The following IGSF21 variants were observed in gnomAD, a reference collection of about 807,000 sequenced individuals.
IGSF21 encodes immunoglobin superfamily member 21, also known as immunoglobulin superfamily member 21.
In IGSF21, 28 loss-of-function variants were observed where a neutral mutation model predicts 46.8. The ratio of observed to expected loss-of-function variants is 0.60; its 90% CI spans 0.44 to 0.82. The LOEUF (loss-of-function observed/expected upper bound fraction) is 0.82, where lower values mean the gene tolerates loss of function less well. Ranked by LOEUF, IGSF21 falls within the 40% of genes least tolerant of loss-of-function variation. The pLI, the probability that IGSF21 is intolerant of heterozygous loss-of-function variation, is 0.00. For synonymous variants in IGSF21, 284 were observed against 273.6 expected, an observed-to-expected ratio of 1.04 and a Z score of -0.38; for missense variants, 624 against 665.5, an observed-to-expected ratio of 0.94 and a Z score of 0.69.
chr1:18,357,179 G>T (rs2086028026), intron 4 of IGSF21, among the ~76,000 whole-genome samples: 1 of 148,452 alleles, frequency 6.7e-6, no homozygotes, highest in Non-Finnish European at 1.5e-5. Context: ...GATGGGGGAA[G>T]AGATGGAGAT....
intron 1 of IGSF21, among the ~76,000 whole-genome samples, chr1:18,167,990 G>A (rs2086696370): frequency 6.6e-6 from 1 of 152,082 alleles, no homozygotes; most frequent in Admixed American, 6.5e-5. Flanking sequence ...AGGAACACCT[G>A]CTCTCCTTTT....
At chr1:18,217,609 G>C (rs933016537) in intron 1 of IGSF21, among the ~76,000 whole-genome samples, 3 of 152,170 alleles carry the variant, frequency 2.0e-5, no homozygotes, top group African/African-American at 7.2e-5. Flanking sequence ...TGGATGCATT[G>C]TGTCCTGTGA....
At chr1:18,324,215 G>A (rs558668322) in intron 3 of IGSF21, among the ~76,000 whole-genome samples, 399 of 152,322 alleles carry the variant, frequency 2.6e-3, no homozygotes, top group African/African-American at 7.6e-3. Context: ...TGATTCGGCC[G>A]TGTCTTTTCC....
At chr1:18,252,068 T>TTTTTATG (rs2084848004) in intron 2 of IGSF21, among the ~76,000 whole-genome samples, 1 of 134,678 alleles carries the variant, frequency 7.4e-6, no homozygotes, top group Middle Eastern at 4.4e-3. Context: ...TTTTTTTTTT[T>TTTTTATG]GAGATGGAGT....
At chr1:18,122,107 A>G (rs1335700318) in intron 1 of IGSF21, among the ~76,000 whole-genome samples, 3 of 152,084 alleles carry the variant, frequency 2.0e-5, no homozygotes, top group African/African-American at 7.2e-5. Context: ...GAGATTGCCA[A>G]AGAAACCTCA....
rs1028037631 is a variant in IGSF21 at position 18,337,223 on chromosome 1, T to C, written c.424+2213T>C. ...AGTGATCTCGTGGGACTCACTCAGGTTGCACAACTGGCCTGATGGTCTCTG... is the reference window on the plus strand; with the variant it reads ...AGTGATCTCGTGGGACTCACTCAGGCTGCACAACTGGCCTGATGGTCTCTG... On this transcript the variant is annotated intron_variant, in intron 4 of 9. Transcript: ENST00000251296. This position sits in a 1 kb window ranked among gnomAD's most constrained non-coding sequence, Gnocchi z 5.7. Among the ~76,000 whole-genome samples, 1 of 152,100 alleles carries C rather than the reference T, an allele frequency of 6.6e-6. No individual in the cohort carries two copies. The highest frequency in any genetic ancestry group is 1.5e-5 in the Non-Finnish European group (1 of 68,010).
chr1:18,283,432 G>A (rs1300694144), intron 2 of IGSF21, among the ~76,000 whole-genome samples: 3 of 152,158 alleles, frequency 2.0e-5, no homozygotes, highest in Non-Finnish European at 2.9e-5. Context: ...GACAGAGCCT[G>A]CCCTACCCTC....
chr1:18,231,450 C>A (rs1569584193), intron 2 of IGSF21, among the ~76,000 whole-genome samples: 3 of 152,222 alleles, frequency 2.0e-5, no homozygotes, highest in East Asian at 1.9e-4. Context: ...GGACACTTTA[C>A]CCCCATGGTC....
chr1:18,227,435 A>C (rs1444140945), intron 1 of IGSF21, among the ~76,000 whole-genome samples: 9 of 152,034 alleles, frequency 5.9e-5, no homozygotes, highest in Non-Finnish European at 2.9e-5. Context: ...GGAAATGCCA[A>C]GTAAATACAT....
chr1:18,357,237 T>G (rs1569868071), intron 4 of IGSF21, among the ~76,000 whole-genome samples: 2 of 122,412 alleles, frequency 1.6e-5, no homozygotes, highest in African/African-American at 3.2e-5. Flanking sequence ...GGTTTGGAGA[T>G]GAAGATGGGG....
intron 6 of IGSF21, among the ~76,000 whole-genome samples, chr1:18,368,661 T>C (rs906476846): frequency 6.6e-6 from 1 of 152,156 alleles, no homozygotes; most frequent in African/African-American, 2.4e-5. Context: ...CTCCTCTCTC[T>C]GGACCCTCCA....
intron 2 of IGSF21, among the ~76,000 whole-genome samples, chr1:18,254,370 AACC>A (rs2084870609): frequency 3.3e-5 from 5 of 150,970 alleles, no homozygotes; most frequent in Non-Finnish European, 5.9e-5. Context: ...CCCTAACCCT[AACC>A]CTAACCCTAA....
intron 4 of IGSF21, among the ~76,000 whole-genome samples, chr1:18,355,791 T>A (rs1008191600): frequency 6.6e-6 from 1 of 150,556 alleles, no homozygotes; most frequent in Non-Finnish European, 1.5e-5. Flanking sequence ...TGTCTGTAAG[T>A]GGTTTGTAAA....
chr1:18,203,655 T>G (rs1292302599), intron 1 of IGSF21, among the ~76,000 whole-genome samples: 1 of 152,132 alleles, frequency 6.6e-6, no homozygotes, highest in African/African-American at 2.4e-5. Context: ...TGTTTGTATA[T>G]CCTTGAATCT....
At chr1:18,142,185 T>C (rs1355464192) in intron 1 of IGSF21, among the ~76,000 whole-genome samples, 2 of 152,204 alleles carry the variant, frequency 1.3e-5, no homozygotes, top group Non-Finnish European at 2.9e-5. Flanking sequence ...CGTGCTTCTC[T>C]TTCTCTAGCA....
intron 2 of IGSF21, among the ~76,000 whole-genome samples, chr1:18,250,675 A>G (rs910544766): frequency 2.0e-5 from 3 of 152,062 alleles, no homozygotes; most frequent in Non-Finnish European, 4.4e-5. Context: ...ACCTCTCTGG[A>G]CCTCAGTTTC....
At chr1:18,114,760 A>C (rs2086174086) in intron 1 of IGSF21, 1 of 152,224 alleles carries the variant, frequency 6.6e-6, no homozygotes, top group South Asian at 2.1e-4. Flanking sequence ...AGGAAGATGA[A>C]AGGATGGCAG....
chr1:18,307,568 G>C (rs570750881), intron 3 of IGSF21, among the ~76,000 whole-genome samples: 1 of 152,208 alleles, frequency 6.6e-6, no homozygotes, highest in Non-Finnish European at 1.5e-5. Context: ...ATTCAAACCC[G>C]CCTGCTGGGT....
intron 3 of IGSF21, among the ~76,000 whole-genome samples, chr1:18,309,805 C>T (rs966755522): frequency 3.9e-5 from 6 of 152,292 alleles, no homozygotes; most frequent in East Asian, 1.9e-4. Flanking sequence ...CTGCTGGAAA[C>T]GGAGCAGGAC....
Sources: allele counts gnomAD v4.1 joint callset (sites outside exome capture counted in the v4.1 genomes callset), GRCh38; gene constraint gnomAD v4.1.1; non-coding constraint Gnocchi (gnomAD v3.1); transcripts MANE v1.5; gene names NCBI Gene and HGNC (gene_info 2026-07-23, HGNC 2026-07-21).